The following FBXL7 variants were observed in gnomAD, a reference collection of about 807,000 sequenced individuals.
The protein encoded by FBXL7 is F-box/LRR-repeat protein 7.
In FBXL7, 12 loss-of-function variants were observed where a neutral mutation model predicts 38.3. That is an observed-to-expected ratio of 0.31 (90% CI 0.20 to 0.51). FBXL7 has a LOEUF of 0.51. Among genes scored for constraint, FBXL7 ranks in the 20% least tolerant of loss-of-function variants. The pLI is 0.98. For missense variants in FBXL7, 567 were observed against 676.4 expected (o/e 0.84, Z 1.79); for synonymous variants, 297 against 300.9 (o/e 0.99, Z 0.13).
intron 1 of FBXL7, among the ~76,000 whole-genome samples, chr5:15,514,139 G>A (rs991169788): frequency 4.6e-5 from 7 of 152,176 alleles, no homozygotes; most frequent in Non-Finnish European, 8.8e-5. Context: ...TTTGGTTGGG[G>A]TTGCCTTACT....
chr5:15,811,148 C>G lies in FBXL7; in HGVS notation c.128-116742C>G, dbSNP rs546371319. On this transcript the variant is annotated intron_variant, in intron 2 of 3. Transcript: ENST00000504595. ...GTGAGATAGGCATGGGCTTGATGTA[C>G]TCCTCTCCACCCTTTTCTATGATTA... Among the ~76,000 whole-genome samples, 3 of 152,276 alleles carry G rather than the reference C, an allele frequency of 2.0e-5. No homozygotes were observed. The East Asian group carries it at 5.8e-4, about 29-fold the overall frequency.
chr5:15,616,011 C>A lies in FBXL7; in HGVS notation c.66C>A (p.Asp22Glu), dbSNP rs374923904. 1 of 1,613,148 alleles carries A rather than the reference C, an allele frequency of 6.2e-7. No homozygotes were observed. Among genetic ancestry groups the A allele is most frequent in the South Asian group, 1.1e-5 (1 of 91,014 alleles). The change falls in exon 2 of 4, where the codon GAC becomes GAA. Residue 22 changes from aspartate (D) to glutamate (E), a missense_variant. Coordinates refer to ENST00000504595, the MANE Select transcript of FBXL7 (RefSeq NM_012304.5). ...EGKGSSSISS[D>E]VSSSTDHTPT... ...AAGGCAGCTCGAGCATCTCATCTGACGTGAGTTCAAGTACAGATCACACGC... is the reference window on the plus strand; with the variant it reads ...AAGGCAGCTCGAGCATCTCATCTGAAGTGAGTTCAAGTACAGATCACACGC...
intron 2 of FBXL7, among the ~76,000 whole-genome samples, chr5:15,804,038 A>G (rs1407252353): frequency 2.0e-5 from 3 of 152,142 alleles, no homozygotes; most frequent in Non-Finnish European, 4.4e-5. Context: ...ACAACCACAT[A>G]CTGTTATTTA....
At chr5:15,564,529 A>G (rs528459482) in intron 1 of FBXL7, among the ~76,000 whole-genome samples, 4 of 152,190 alleles carry the variant, frequency 2.6e-5, no homozygotes, top group South Asian at 2.1e-4. Context: ...AAGTAGATAT[A>G]CACGCCCAAT....
At chr5:15,875,526 G>A (rs891020962) in intron 2 of FBXL7, among the ~76,000 whole-genome samples, 3 of 151,902 alleles carry the variant, frequency 2.0e-5, no homozygotes, top group Non-Finnish European at 4.4e-5. Context: ...CTAATACCCA[G>A]AATCTACAAG....
chr5:15,595,520 T>C (rs1370265988), intron 1 of FBXL7, among the ~76,000 whole-genome samples: 2 of 152,132 alleles, frequency 1.3e-5, no homozygotes, highest in Non-Finnish European at 2.9e-5. Flanking sequence ...GAGGGAGGGA[T>C]TTAATTTTGA....
At chr5:15,929,240 G>A (rs1374278116) in intron 3 of FBXL7, among the ~76,000 whole-genome samples, 1 of 152,194 alleles carries the variant, frequency 6.6e-6, no homozygotes, top group African/African-American at 2.4e-5. Flanking sequence ...TTACATCTGG[G>A]TTAATCCTGC....
chr5:15,624,148 A>G (rs1740734061), intron 2 of FBXL7, among the ~76,000 whole-genome samples: 1 of 152,216 alleles, frequency 6.6e-6, no homozygotes, highest in Non-Finnish European at 1.5e-5. Flanking sequence ...TGATCCATAT[A>G]GGGTCTAGAA....
chr5:15,691,297 C>T lies in FBXL7; in HGVS notation c.127+75225C>T, dbSNP rs150048062. Among the ~76,000 whole-genome samples, 671 of 152,276 alleles carry T rather than the reference C, an allele frequency of 4.4e-3. 4 individuals carry two copies. Among genetic ancestry groups the T allele is most frequent in the African/African-American group, 0.015 (641 of 41,544 alleles). ...TGAGTGGTATTCCTTGCCTTTAAAG[C>T]GAAAATCATGAATCAACTTGATGTT... On this transcript the variant is annotated intron_variant, in intron 2 of 3. Transcript: ENST00000504595.
chr5:15,737,238 C>G (rs779608858), intron 2 of FBXL7, among the ~76,000 whole-genome samples: 1 of 152,192 alleles, frequency 6.6e-6, no homozygotes, highest in Non-Finnish European at 1.5e-5. Flanking sequence ...CATACTGTTA[C>G]AGCTAATGGT....
intron 2 of FBXL7, among the ~76,000 whole-genome samples, chr5:15,873,918 T>G (rs1311726267): frequency 6.6e-6 from 1 of 152,172 alleles, no homozygotes; most frequent in Non-Finnish European, 1.5e-5. Flanking sequence ...TCATTTTTTA[T>G]GAGGCCAAAA....
chr5:15,834,983 G>A (rs1267331229), intron 2 of FBXL7, among the ~76,000 whole-genome samples: 1 of 152,112 alleles, frequency 6.6e-6, no homozygotes, highest in African/African-American at 2.4e-5. Flanking sequence ...CATATCAGTA[G>A]GAAATCCTTC....
intron 1 of FBXL7, among the ~76,000 whole-genome samples, chr5:15,575,033 G>A (rs927170389): frequency 1.1e-4 from 17 of 152,092 alleles, no homozygotes; most frequent in Admixed American, 1.0e-3. Flanking sequence ...ACAATTGTGG[G>A]AGAAAAAGTG....
chr5:15,675,032 G>A (rs145106110), intron 2 of FBXL7, among the ~76,000 whole-genome samples: 2 of 152,230 alleles, frequency 1.3e-5, no homozygotes, highest in East Asian at 3.9e-4. Flanking sequence ...ACTGCCACAG[G>A]CGAGGTCAAA....
At chr5:15,546,753 C>T (rs990146702) in intron 1 of FBXL7, among the ~76,000 whole-genome samples, 13 of 152,028 alleles carry the variant, frequency 8.6e-5, no homozygotes, top group African/African-American at 2.4e-4. Flanking sequence ...AAAAAAATTG[C>T]TTCTAGAAAA....
At chr5:15,677,409 G>A (rs561840784) in intron 2 of FBXL7, among the ~76,000 whole-genome samples, 1 of 151,880 alleles carries the variant, frequency 6.6e-6, no homozygotes, top group African/African-American at 2.4e-5. Context: ...GGAGGTTGCA[G>A]TAAGCCAAGA....
intron 2 of FBXL7, among the ~76,000 whole-genome samples, chr5:15,819,602 G>A (rs1370026519): frequency 6.6e-6 from 1 of 152,152 alleles, no homozygotes; most frequent in Non-Finnish European, 1.5e-5. Context: ...GAGGGGGAAA[G>A]TGTTTCTAGT....
intron 2 of FBXL7, among the ~76,000 whole-genome samples, chr5:15,697,154 A>T (rs529137021): frequency 6.6e-6 from 1 of 152,222 alleles, no homozygotes; most frequent in South Asian, 2.1e-4. Flanking sequence ...TACATGTAAG[A>T]TTGCATCCTT....
intron 2 of FBXL7, among the ~76,000 whole-genome samples, chr5:15,783,148 C>T (rs1286313108): frequency 6.6e-6 from 1 of 151,882 alleles, no homozygotes. Flanking sequence ...TGATGGTGGG[C>T]GTGGAAGGTA....
Sources: gnomAD v4.1 joint callset for allele counts (sites outside exome capture counted in the v4.1 genomes callset) on GRCh38, gnomAD v4.1.1 for gene constraint, MANE v1.5 for transcripts, NCBI Gene and HGNC (gene_info 2026-07-23, HGNC 2026-07-21) for gene names.